Variants in ADARB1 observed in about 807,000 individuals in gnomAD.
ADARB1 encodes the protein adenosine deaminase RNA specific B1.
Under a neutral mutation model 52.4 loss-of-function variants are expected in ADARB1, and 10 were observed. That is an observed-to-expected ratio of 0.19 (90% CI 0.12 to 0.32). The LOEUF (loss-of-function observed/expected upper bound fraction) is 0.32. ADARB1 is among the 10% of genes least tolerant of loss of function. The pLI is 1.00. For synonymous variants in ADARB1, 349 were observed against 371.1 expected (o/e 0.94, Z 0.68); for missense variants, 643 against 922.3 (o/e 0.70, Z 3.92).
intron 1 of ADARB1, among the ~76,000 whole-genome samples, chr21:45,103,181 G>A (rs562860833): frequency 1.3e-5 from 2 of 152,268 alleles, no homozygotes; most frequent in South Asian, 2.1e-4. Flanking sequence ...GATCCTGGAC[G>A]ACTGAATCTG....
At chr21:45,197,150 C>T (rs891161070) in intron 8 of ADARB1, among the ~76,000 whole-genome samples, 4 of 152,182 alleles carry the variant, frequency 2.6e-5, no homozygotes, top group East Asian at 1.9e-4. Context: ...TGCACTCCAG[C>T]TTGGGCATCA....
At chr21:45,123,485 T>C (rs2088345399) in intron 1 of ADARB1, among the ~76,000 whole-genome samples, 1 of 152,186 alleles carries the variant, frequency 6.6e-6, no homozygotes, top group Admixed American at 6.5e-5. Flanking sequence ...GTTTACTTTT[T>C]ATAGAGATGG....
Position 45,224,282 on chromosome 21 carries a change from TAATAGCTA to T in ADARB1, c.*2088_*2095del. 3 of 985,454 alleles carry T rather than the reference TAATAGCTA, an allele frequency of 3.0e-6. No individual in the cohort carries two copies. Among genetic ancestry groups the T allele is most frequent in the Non-Finnish European group, 3.6e-6 (3 of 829,956 alleles). 61.0% of individuals were successfully genotyped at this position (985,454 alleles called of 1,614,324 possible). A position where few individuals can be genotyped will look rare whatever the true frequency, so the allele number is the denominator to read the frequency against. On this transcript the variant is annotated 3_prime_UTR_variant, in exon 11 of 11. Transcript: ENST00000348831. ...TGTCTGGCTTTTCCCTTCTGTCAGG[TAATAGCTA>T]AAGTCAGCATGATTGCTCCCTGTAC... is the stretch of plus-strand genomic sequence containing the variant.
intron 2 of ADARB1, among the ~76,000 whole-genome samples, chr21:45,129,217 AGACTCTT>A (rs1192523656): frequency 6.6e-6 from 1 of 152,094 alleles, no homozygotes; most frequent in Non-Finnish European, 1.5e-5. Flanking sequence ...TGACAGAGCA[AGACTCTT>A]TCTCAAAAAA....
intron 9 of ADARB1, among the ~76,000 whole-genome samples, chr21:45,209,351 C>T (rs1301371502): frequency 1.3e-5 from 2 of 152,222 alleles, no homozygotes; most frequent in African/African-American, 2.4e-5. Context: ...GTAGCCAGTG[C>T]TCCTGCCCTT....
In ADARB1 at chr21:45,084,211, G is replaced by T. The variant is rs76690087; in HGVS notation, c.-220+9418G>T. Among the ~76,000 whole-genome samples, 702 of 152,330 alleles carry T rather than the reference G, an allele frequency of 4.6e-3. 4 individuals are homozygous for T. The highest frequency in any genetic ancestry group is 0.016 in the African/African-American group (660 of 41,572). On this transcript the variant is annotated intron_variant, in intron 1 of 10. Transcript: ENST00000348831. ...CTCCATTTCTGGAAGACTATTGTAA[G>T]TCAGAGTCAAATAATCATTCATTCA...
intron 2 of ADARB1, among the ~76,000 whole-genome samples, chr21:45,151,725 C>T (rs2090300572): frequency 6.6e-6 from 1 of 152,154 alleles, no homozygotes; most frequent in Non-Finnish European, 1.5e-5. Context: ...AATGCTGGAT[C>T]CCGAGTGGCA....
chr21:45,223,495 C>T lies in ADARB1; in HGVS notation c.*1298C>T. 1 of 985,662 alleles carries T rather than the reference C, an allele frequency of 1.0e-6. No homozygotes were observed. The highest frequency in any genetic ancestry group is 1.2e-6 in the Non-Finnish European group (1 of 830,106). 61.1% of individuals were successfully genotyped at this position (985,662 alleles called of 1,614,324 possible). A position where few individuals can be genotyped will look rare whatever the true frequency, so the allele number is the denominator to read the frequency against. On this transcript the variant is annotated 3_prime_UTR_variant, in exon 11 of 11. Transcript: ENST00000348831. ...ATTTGCACCAGGTGCCTTGTTGCCTCCGCTCAGGATGAAAGAGGAGCTGAG... is the reference window on the plus strand; with the variant it reads ...ATTTGCACCAGGTGCCTTGTTGCCTTCGCTCAGGATGAAAGAGGAGCTGAG...
At chr21:45,075,341 G>T (rs2085883544) in intron 1 of ADARB1, among the ~76,000 whole-genome samples, 1 of 151,632 alleles carries the variant, frequency 6.6e-6, no homozygotes, top group African/African-American at 2.4e-5. Flanking sequence ...CCGGGGGACG[G>T]CAGGCTGCGC....
intron 1 of ADARB1, among the ~76,000 whole-genome samples, chr21:45,086,544 C>G (rs2086352388): frequency 6.6e-6 from 1 of 152,236 alleles, no homozygotes; most frequent in Admixed American, 6.5e-5. Flanking sequence ...CTGCTGTTTC[C>G]ACATGTGCCT....
chr21:45,220,649 C>T lies in ADARB1; in HGVS notation c.1748-187C>T, dbSNP rs534546524. Among the ~76,000 whole-genome samples the T allele has an allele frequency of 5.9e-5, 9 of 152,310 alleles. No individual in the cohort carries two copies. In the South Asian group the frequency reaches 1.2e-3, roughly 21 times the overall value. On this transcript the variant is annotated intron_variant, in intron 9 of 10. Transcript: ENST00000348831. The surrounding 1 kb of genome is among the most constrained non-coding windows in gnomAD (Gnocchi z 6.3). ...TCAGCACTGCTCCTATTCTGGTGGC[C>T]GTGGAAGAGTGTGAGGCCACTGCCA...
At chr21:45,134,659 A>G in intron 2 of ADARB1, 4 of 448,020 alleles carry the variant, frequency 8.9e-6, no homozygotes, top group South Asian at 3.2e-5. Context: ...AAGGCAGTAC[A>G]GTAGAATTTG....
At chr21:45,076,129 TC>T (rs1255190121) in intron 1 of ADARB1, among the ~76,000 whole-genome samples, 2 of 152,260 alleles carry the variant, frequency 1.3e-5, no homozygotes, top group East Asian at 3.8e-4. Context: ...GACCATCTTT[TC>T]CTTGGGGTTG....
At position 45,083,236 on chromosome 21, in the gene ADARB1, A is replaced by T. The variant is rs2086218350; in HGVS notation, c.-220+8443A>T. Among the ~76,000 whole-genome samples the T allele has an allele frequency of 2.0e-5, 3 of 152,204 alleles. No homozygotes were observed. The South Asian group carries it at 6.2e-4, about 32-fold the overall frequency. On this transcript the variant is annotated intron_variant, in intron 1 of 10. Transcript: ENST00000348831. ...ACTTTAACTTACTTTTTCTGTTGGT[A>T]GTAAGTAGTAGAACCTGCATTAAGT...
intron 9 of ADARB1, among the ~76,000 whole-genome samples, chr21:45,205,722 G>T (rs1322085855): frequency 6.6e-6 from 1 of 152,160 alleles, no homozygotes; most frequent in African/African-American, 2.4e-5. Flanking sequence ...TAACTTCTAA[G>T]CTCACCTTTA....
chr21:45,199,270 A>T (rs1253939615), intron 8 of ADARB1, among the ~76,000 whole-genome samples: 1 of 152,170 alleles, frequency 6.6e-6, no homozygotes, highest in Admixed American at 6.5e-5. Flanking sequence ...GAGCTGACGA[A>T]ATCCCTGAGT....
intron 2 of ADARB1, among the ~76,000 whole-genome samples, chr21:45,138,032 G>A (rs530736406): frequency 1.1e-4 from 17 of 152,292 alleles, no homozygotes; most frequent in Non-Finnish European, 2.2e-4. Context: ...AAGCGATAGA[G>A]TATAGCTCTT....
chr21:45,151,863 G>A (rs960017796), intron 2 of ADARB1, among the ~76,000 whole-genome samples: 4 of 152,238 alleles, frequency 2.6e-5, no homozygotes, highest in African/African-American at 4.8e-5. Context: ...TGCTGATCAA[G>A]CCAGGCACAG....
intron 1 of ADARB1, among the ~76,000 whole-genome samples, chr21:45,083,825 C>G (rs1185620238): frequency 6.6e-6 from 1 of 152,172 alleles, no homozygotes; most frequent in African/African-American, 2.4e-5. Context: ...CTCAGCCTCC[C>G]AGGTAGCTGG....
Sources: allele counts gnomAD v4.1 joint callset (sites outside exome capture counted in the v4.1 genomes callset), GRCh38; gene constraint gnomAD v4.1.1; non-coding constraint Gnocchi (gnomAD v3.1); transcripts MANE v1.5; gene names NCBI Gene and HGNC (gene_info 2026-07-23, HGNC 2026-07-21).